The following EIF2S3B variants were observed in gnomAD, a reference collection of about 807,000 sequenced individuals.
EIF2S3B encodes the protein eukaryotic translation initiation factor 2 subunit 3B.
Under a neutral mutation model 26.4 loss-of-function variants are expected in EIF2S3B, and 16 were observed. That is an observed-to-expected ratio of 0.61 (90% confidence interval 0.41 to 0.92). The LOEUF (loss-of-function observed/expected upper bound fraction) is 0.92. Among genes scored for constraint, EIF2S3B ranks in the 40% least tolerant of loss-of-function variants. EIF2S3B has a pLI of 0.00. For missense variants in EIF2S3B, 510 were observed against 575.5 expected (o/e 0.89, Z 1.16); for synonymous variants, 183 against 204.4 (o/e 0.90, Z 0.89).
chr12:10,508,525 C>CAAAAAAG (rs1864671379), downstream of EIF2S3B, among the ~76,000 whole-genome samples: 2 of 62,972 alleles, frequency 3.2e-5, no homozygotes, highest in Non-Finnish European at 5.8e-5. Context: ...TGTTAGAAAG[C>CAAAAAAG]AAAAAAAAAA....
chr12:10,518,964 C>T (rs10772304), intron 1 of EIF2S3B, among the ~76,000 whole-genome samples: 29,665 of 151,786 alleles, frequency 0.2, 3,380 homozygotes, highest in Middle Eastern at 0.28. Flanking sequence ...ATGCCATCCC[C>T]ATCAAGCTAC....
At chr12:10,517,326 T>C (rs1347378643) in intron 1 of EIF2S3B, among the ~76,000 whole-genome samples, 1 of 151,938 alleles carries the variant, frequency 6.6e-6, no homozygotes, top group African/African-American at 2.4e-5. Context: ...AACTTCTTCC[T>C]GGTTTAGTCT....
chr12:10,508,525 C>CAAAAAAAAAAAAAAAAAAAAAAAAAA, downstream of EIF2S3B, among the ~76,000 whole-genome samples: 6 of 62,974 alleles, frequency 9.5e-5, no homozygotes, highest in Non-Finnish European at 1.7e-4. Flanking sequence ...TGTTAGAAAG[C>CAAAAAAAAAAAAAAAAAAAAAAAAAA]AAAAAAAAAA....
chr12:10,522,863 C>T (rs949097565), exon 2 of EIF2S3B: 5 of 493,890 alleles, frequency 1.0e-5, no homozygotes, highest in East Asian at 9.3e-5. Context: ...ACAGCCAGCC[C>T]TACACCTGGA....
Position 10,506,985 on chromosome 12 carries a change from C to A in EIF2S3B, c.1083C>A (p.Val361=). ...DRMVGQILGA[V]GALPEIFTEL... is the part of the protein sequence containing the mutation. The stretch of plus-strand genomic sequence containing the variant: ...TGGTGGGGCAAATACTTGGTGCAGT[C>A]GGAGCTTTACCTGAGATATTCACAG... The change falls in exon 1 of 1, where the codon GTC becomes GTA. Residue 361 remains valine, a synonymous_variant. Transcript: ENST00000538173. 1.9e-6 allele frequency: 3 copies of A among 1,613,682 alleles called. No homozygotes were observed. Among genetic ancestry groups the A allele is most frequent in the Non-Finnish European group, 2.5e-6 (3 of 1,179,704 alleles).
Position 10,505,951 on chromosome 12 carries a change from C to T in EIF2S3B, c.49C>T (p.Arg17Cys), listed in dbSNP as rs1161845279. Residue 17 changes from arginine (R) to cysteine (C), a missense_variant, in exon 1 of 1, where the codon CGT (arginine) becomes TGT (cysteine). Arg to Cys is a radical substitution (Grantham distance 180). Transcript: ENST00000538173. The stretch of plus-strand genomic sequence containing the variant: ...GACTCTGGGGCAGCCGCACCTTTCG[C>T]GTCAGGATCTCACCACCTTGGATGT... ...GVTLGQPHLS[R>C]QDLTTLDVTK... The T allele has an allele frequency of 1.9e-6, 3 of 1,603,454 alleles. No individual in the cohort carries two copies. Among genetic ancestry groups the T allele is most frequent in the South Asian group, 1.1e-5 (1 of 90,860 alleles).
Position 10,506,861 on chromosome 12 carries a change from C to T in EIF2S3B, c.959C>T (p.Ser320Leu). 2 of 1,613,640 alleles carry T rather than the reference C, an allele frequency of 1.2e-6. No homozygotes were observed. The highest frequency in any genetic ancestry group is 1.7e-6 in the Non-Finnish European group (2 of 1,179,552). ...AAATCAATCTTTTCCAAAATTGTTTCACTTTTTGCGGAGCATAATGATCTG... is the reference window on the plus strand; with the variant it reads ...AAATCAATCTTTTCCAAAATTGTTTTACTTTTTGCGGAGCATAATGATCTG... ...MCKSIFSKIV[S>L]LFAEHNDLQY... The change falls in exon 1 of 1, where the codon TCA becomes TTA. Residue 320 changes from serine to leucine, a missense_variant. By Grantham distance (145) the Ser-to-Leu change is moderately radical. Transcript: ENST00000538173.
Position 10,506,202 on chromosome 12 carries a change from A to G in EIF2S3B, c.300A>G (p.Glu100=). The change falls in exon 1 of 1, where the codon GAA becomes GAG. Residue 100 remains glutamate (E), a synonymous_variant. Transcript: ENST00000538173. ...ATGACCCAAGTTGCCCTCGGCCAGA[A>G]TGTTATCGATCTTGTGGGAGCAGTA... The part of the protein sequence containing the change: ...QLDDPSCPRP[E]CYRSCGSSMP... 1 of 1,587,704 alleles carries G rather than the reference A, an allele frequency of 6.3e-7. No homozygotes were observed. Among genetic ancestry groups the G allele is most frequent in the African/African-American group, 1.3e-5 (1 of 74,496 alleles).
Position 10,506,402 on chromosome 12 carries a change from A to C in EIF2S3B, c.500A>C (p.Gln167Pro), listed in dbSNP as rs770280091. The C allele has an allele frequency of 6.2e-7, 1 of 1,613,932 alleles. No individual in the cohort carries two copies. Among genetic ancestry groups the C allele is most frequent in the African/African-American group, 1.3e-5 (1 of 74,910 alleles). Residue 167 changes from glutamine to proline, a missense_variant, in exon 1 of 1, where the codon CAG (glutamine) becomes CCG (proline). Coordinates refer to ENST00000538173, the MANE Select transcript of EIF2S3B (RefSeq NM_001357734.3). ...LLIAGNESCPQPQTSEHLAAI... is the reference protein window; with the variant it reads ...LLIAGNESCPPPQTSEHLAAI... ...ATAGCTGGTAATGAATCTTGCCCTC[A>C]GCCTCAGACATCTGAACACCTGGCT... is the stretch of plus-strand genomic sequence containing the variant.
In EIF2S3B at chr12:10,505,919, C is replaced by T. The variant is rs1335153718; in HGVS notation, c.17C>T (p.Ala6Val). ...TTTGGCAACATGGCGGGCGGAGAAG[C>T]TGGGGTGACTCTGGGGCAGCCGCAC... MAGGE[A>V]GVTLGQPHLS... The change falls in exon 1 of 1, where the codon GCT (alanine) becomes GTT (valine). Residue 6 changes from alanine (A) to valine (V), a missense_variant. Transcript: ENST00000538173. 6 of 1,597,648 alleles carry T rather than the reference C, an allele frequency of 3.8e-6. No individual in the cohort carries two copies. The highest frequency in any genetic ancestry group is 2.7e-5 in the African/African-American group (2 of 74,602).
At chr12:10,516,548 A>T (rs1202863584) in intron 1 of EIF2S3B, among the ~76,000 whole-genome samples, 2 of 152,136 alleles carry the variant, frequency 1.3e-5, no homozygotes, top group Non-Finnish European at 2.9e-5. Flanking sequence ...AAAGAAGGAG[A>T]TATGCAAACA....
At chr12:10,512,074 C>T (rs893166743), downstream of EIF2S3B, among the ~76,000 whole-genome samples, 1 of 152,170 alleles carries the variant, frequency 6.6e-6, no homozygotes, top group South Asian at 2.1e-4. Context: ...ACTCCAATAT[C>T]TATATTCTAG....
chr12:10,517,397 G>A lies in EIF2S3B; in HGVS notation c.1309-5206G>A, dbSNP rs1288179772. Among the ~76,000 whole-genome samples, 216 of 101,454 alleles carry A rather than the reference G, an allele frequency of 2.1e-3. 1 individual carries two copies. The highest frequency in any genetic ancestry group is 6.6e-3 in the Middle Eastern group (1 of 152). 66.6% of individuals were successfully genotyped at this position (101,454 alleles called of 152,430 possible). ...CTTCTAGATTTTCTAGTTTATTTGC[G>A]TAGAGGTGTTTGTAGTATTCTCTGA... On this transcript the variant is annotated intron_variant, in intron 1 of 1. Coordinates refer to the EIF2S3B transcript ENST00000322446.
chr12:10,512,055 C>T (rs1295061934), downstream of EIF2S3B, among the ~76,000 whole-genome samples: 1 of 152,150 alleles, frequency 6.6e-6, no homozygotes, highest in Admixed American at 6.6e-5. Context: ...TTGTTCCATT[C>T]AGCAATCCAC....
At chr12:10,522,544 T>G in intron 1 of EIF2S3B, 1 of 621,970 alleles carries the variant, frequency 1.6e-6, no homozygotes. Flanking sequence ...TAAATAGATT[T>G]GAGTTATTGC....
intron 1 of EIF2S3B, among the ~76,000 whole-genome samples, chr12:10,518,027 C>A (rs1864781963): frequency 6.6e-6 from 1 of 151,816 alleles, no homozygotes; most frequent in Admixed American, 6.6e-5. Flanking sequence ...AGCTTTACTT[C>A]CAACTATGTG....
At chr12:10,517,999 T>C (rs557253294) in intron 1 of EIF2S3B, among the ~76,000 whole-genome samples, 1 of 152,088 alleles carries the variant, frequency 6.6e-6, no homozygotes, top group African/African-American at 2.4e-5. Flanking sequence ...TTTCTGTTCT[T>C]TTACATTTGC....
chr12:10,514,757 G>A (rs1864737990), intron 1 of EIF2S3B, among the ~76,000 whole-genome samples: 1 of 152,070 alleles, frequency 6.6e-6, no homozygotes, highest in Non-Finnish European at 1.5e-5. Context: ...ATTCTACGTT[G>A]TAAATATTTC....
chr12:10,519,619 G>A (rs1864808045), intron 1 of EIF2S3B, among the ~76,000 whole-genome samples: 1 of 152,044 alleles, frequency 6.6e-6, no homozygotes, highest in African/African-American at 2.4e-5. Flanking sequence ...ATCTGACAAA[G>A]GGCTAATATC....
Sources: allele counts gnomAD v4.1 joint callset (sites outside exome capture counted in the v4.1 genomes callset), GRCh38; gene constraint gnomAD v4.1.1; transcripts MANE v1.5; gene names NCBI Gene and HGNC (gene_info 2026-07-23, HGNC 2026-07-21).